The following RFX7 variants were observed in gnomAD, a reference collection of about 807,000 sequenced individuals.
RFX7 encodes the protein DNA-binding protein RFX7.
A neutral mutation model predicts 111.8 loss-of-function variants in RFX7; 26 were observed. That is an observed-to-expected ratio of 0.23 (90% CI 0.17 to 0.32). The LOEUF (loss-of-function observed/expected upper bound fraction) is 0.32, where lower values mean the gene tolerates loss of function less well. RFX7 is among the 10% of genes least tolerant of loss of function. RFX7 has a pLI of 1.00. For missense variants in RFX7, 1,573 were observed against 1,772.9 expected (o/e 0.89, Z 2.02); for synonymous variants, 624 against 624.4 (o/e 1.00, Z 0.01).
chr15:56,234,463 G>C (rs1340242855), intron 2 of RFX7, among the ~76,000 whole-genome samples: 1 of 152,046 alleles, frequency 6.6e-6, no homozygotes, highest in Non-Finnish European at 1.5e-5. Flanking sequence ...TCCTGCTTCA[G>C]AAAAAAGGAC....
At chr15:56,147,660 G>A (rs944431846) in intron 3 of RFX7, among the ~76,000 whole-genome samples, 1 of 151,472 alleles carries the variant, frequency 6.6e-6, no homozygotes, top group African/African-American at 2.4e-5. Flanking sequence ...TGCAAGCTCC[G>A]CCCCCCGGGT....
At chr15:56,199,846 C>T (rs376466143) in intron 2 of RFX7, among the ~76,000 whole-genome samples, 2 of 152,048 alleles carry the variant, frequency 1.3e-5, no homozygotes, top group African/African-American at 4.8e-5. Context: ...TAATAACAAG[C>T]ATGTAATAGG....
At chr15:56,236,775 GAAGAC>G in intron 2 of RFX7, among the ~76,000 whole-genome samples, 1 of 152,104 alleles carries the variant, frequency 6.6e-6, no homozygotes, top group East Asian at 1.9e-4. Flanking sequence ...TCTTTATAAA[GAAGAC>G]AAAACAAAAG....
intron 5 of RFX7, among the ~76,000 whole-genome samples, chr15:56,133,069 T>G (rs868428292): frequency 6.6e-6 from 1 of 152,158 alleles, no homozygotes; most frequent in Non-Finnish European, 1.5e-5. Flanking sequence ...GCTAAATTTC[T>G]TCTTTATACA....
intron 5 of RFX7, among the ~76,000 whole-genome samples, chr15:56,105,675 CAGAAGGGGTAGG>C (rs149304145): frequency 0.013 from 1,967 of 151,618 alleles, 49 homozygotes; most frequent in African/African-American, 0.045. Flanking sequence ...TTTACTTTGG[CAGAAGGGGTAGG>C]AGAAAGGTTG....
chr15:56,093,898 T>A lies in RFX7; in HGVS notation c.3830A>T (p.Tyr1277Phe). The A allele has an allele frequency of 2.5e-6, 4 of 1,613,954 alleles. No homozygotes were observed. Among genetic ancestry groups the A allele is most frequent in the South Asian group, 1.1e-5 (1 of 91,082 alleles). The change falls in exon 10 of 10, where the codon TAT becomes TTT. Residue 1277 changes from tyrosine to phenylalanine, a missense_variant. By Grantham distance (22) the Tyr-to-Phe change is conservative (BLOSUM62 3). Transcript: ENST00000559447. ...CTGAGTGAGATTCATCCGGGCTGTA[T>A]AATTAGAGGGCAGGTTGTTCATTCC... ...GLGMNNLPSN[Y>F]TARMNLTQIL... is the part of the protein sequence containing the mutation.
chr15:56,241,190 G>A (rs1421587084), intron 2 of RFX7, among the ~76,000 whole-genome samples: 2 of 151,888 alleles, frequency 1.3e-5, no homozygotes, highest in Non-Finnish European at 2.9e-5. Flanking sequence ...TTTTTTCAGA[G>A]CAAGTACCAA....
chr15:56,219,914 C>T (rs577639455), intron 2 of RFX7, among the ~76,000 whole-genome samples: 1 of 152,178 alleles, frequency 6.6e-6, no homozygotes, highest in East Asian at 1.9e-4. Context: ...TATGGTAGTT[C>T]CGTTTACAGT....
chr15:56,145,332 A>G (rs1316724913), intron 3 of RFX7, among the ~76,000 whole-genome samples: 1 of 152,186 alleles, frequency 6.6e-6, no homozygotes, highest in Non-Finnish European at 1.5e-5. Flanking sequence ...CATTCCTGGT[A>G]GAATTTATTC....
intron 5 of RFX7, 129 bp from the exon 6 acceptor site, chr15:56,103,799 T>C (rs746571206): frequency 4.0e-5 from 25 of 617,824 alleles, no homozygotes; most frequent in Non-Finnish European, 6.8e-5. Flanking sequence ...TGCCACAATG[T>C]CTATGATCAT....
At chr15:56,242,717 T>C (rs768630768) in intron 2 of RFX7, among the ~76,000 whole-genome samples, 16 of 152,176 alleles carry the variant, frequency 1.1e-4, no homozygotes, top group Non-Finnish European at 2.2e-4. Context: ...ACAGTATCTG[T>C]TTGGTGAAAA....
chr15:56,110,048 G>A (rs1193740286), intron 5 of RFX7, among the ~76,000 whole-genome samples: 2 of 127,462 alleles, frequency 1.6e-5, no homozygotes, highest in African/African-American at 6.0e-5. Context: ...TGGAAAATGA[G>A]GAGCCCCTCT....
chr15:56,220,774 T>C (rs2043418669), intron 2 of RFX7, among the ~76,000 whole-genome samples: 1 of 152,224 alleles, frequency 6.6e-6, no homozygotes, highest in Non-Finnish European at 1.5e-5. Flanking sequence ...CAGAATGTTA[T>C]TTCCCAGGTC....
At chr15:56,234,761 T>G (rs1273184447) in intron 2 of RFX7, among the ~76,000 whole-genome samples, 1 of 152,228 alleles carries the variant, frequency 6.6e-6, no homozygotes, top group Non-Finnish European at 1.5e-5. Context: ...ACTGTCATAT[T>G]GTAGACTACT....
intron 5 of RFX7, among the ~76,000 whole-genome samples, chr15:56,123,678 A>C (rs1394272217): frequency 6.6e-6 from 1 of 152,138 alleles, no homozygotes; most frequent in Non-Finnish European, 1.5e-5. Flanking sequence ...ACTGCCTTTC[A>C]AGTTTATTTA....
At chr15:56,214,069 G>GT (rs1365476092) in intron 2 of RFX7, among the ~76,000 whole-genome samples, 2 of 151,938 alleles carry the variant, frequency 1.3e-5, no homozygotes, top group Non-Finnish European at 1.5e-5. Context: ...TCATGCATGA[G>GT]TTTTTTTCTA....
chr15:56,155,475 G>A (rs1246006368), intron 3 of RFX7, among the ~76,000 whole-genome samples: 1 of 152,230 alleles, frequency 6.6e-6, no homozygotes, highest in East Asian at 1.9e-4. Context: ...GGACATGGAT[G>A]AAGCTGGAAA....
At chr15:56,138,401 G>A (rs1230658274) in intron 5 of RFX7, among the ~76,000 whole-genome samples, 1 of 150,358 alleles carries the variant, frequency 6.7e-6, no homozygotes, top group South Asian at 2.3e-4. Context: ...ATCTTTGTTG[G>A]TTTAAAGTCT....
At chr15:56,136,116 T>C (rs2042298850) in intron 5 of RFX7, among the ~76,000 whole-genome samples, 1 of 152,250 alleles carries the variant, frequency 6.6e-6, no homozygotes, top group South Asian at 2.1e-4. Context: ...TTTGGTTCCG[T>C]ATGAACTTTA....
Sources: gnomAD v4.1 joint callset for allele counts (sites outside exome capture counted in the v4.1 genomes callset) on GRCh38, gnomAD v4.1.1 for gene constraint, MANE v1.5 for transcripts, NCBI Gene and HGNC (gene_info 2026-07-23, HGNC 2026-07-21) for gene names.